OPRK1: variants seen among roughly 807,000 people sequenced by gnomAD.
OPRK1 encodes opioid receptor kappa 1.
A neutral mutation model predicts 24.5 loss-of-function variants in OPRK1; 15 were observed. The observed-to-expected ratio is 0.61, with a 90% confidence interval of 0.41 to 0.94. The LOEUF (loss-of-function observed/expected upper bound fraction) is 0.94. Among genes scored for constraint, OPRK1 ranks in the 40% least tolerant of loss-of-function variants. OPRK1 has a pLI of 0.00. For synonymous variants in OPRK1, 205 were observed against 198.0 expected (o/e 1.04, Z -0.30); for missense variants, 479 against 507.3 (o/e 0.94, Z 0.54).
intron 2 of OPRK1, among the ~76,000 whole-genome samples, chr8:53,248,995 A>G (rs1321583881): frequency 3.9e-5 from 6 of 152,174 alleles, no homozygotes; most frequent in Non-Finnish European, 8.8e-5. Context: ...AATCCTAGCT[A>G]ATCTACAGGA....
At chr8:53,240,770 G>T (rs1807094043) in intron 2 of OPRK1, among the ~76,000 whole-genome samples, 1 of 152,054 alleles carries the variant, frequency 6.6e-6, no homozygotes, top group African/African-American at 2.4e-5. Flanking sequence ...ACAGCAGGGG[G>T]CTAGCATCAA....
rs569201186 is a variant in OPRK1, at chr8:53,238,675, T to TTGGCAGA, written c.258-3571_258-3565dup. On this transcript the variant is annotated intron_variant, in intron 2 of 3. Coordinates refer to ENST00000265572, the MANE Select transcript of OPRK1 (RefSeq NM_000912.5). ...AGAGAAACGAGGGTTGGCTTCAAAA[T>TTGGCAGA]TGGCAGACACTGGTGCTTGTGTGAT... 1.3e-3 allele frequency: 1,295 copies of TTGGCAGA among 985,428 alleles called. 9 individuals carry two copies. In the African/African-American group the frequency reaches 0.019, roughly 14 times the overall value. 61.0% of individuals were successfully genotyped at this position (985,428 alleles called of 1,614,324 possible).
chr8:53,235,258 T>C (rs577166950), intron 2 of OPRK1, 147 bp from the exon 3 acceptor site: 5 of 637,552 alleles, frequency 7.8e-6, no homozygotes, highest in Non-Finnish European at 1.3e-5. Flanking sequence ...GTAAATGGAC[T>C]GTTCTAGACA....
intron 2 of OPRK1, among the ~76,000 whole-genome samples, chr8:53,244,221 A>G (rs1321821753): frequency 8.5e-6 from 1 of 117,490 alleles, no homozygotes; most frequent in East Asian, 2.2e-4. Flanking sequence ...TAAATGGCAC[A>G]TAACCTAAGA....
chr8:53,246,621 AAGG>A (rs1003773410), intron 2 of OPRK1, among the ~76,000 whole-genome samples: 31 of 152,264 alleles, frequency 2.0e-4, no homozygotes, highest in African/African-American at 6.7e-4. Context: ...CTTCAAAACC[AAGG>A]AGAAGGAATT....
chr8:53,246,199 G>A (rs1807223724), intron 2 of OPRK1, among the ~76,000 whole-genome samples: 1 of 152,248 alleles, frequency 6.6e-6, no homozygotes, highest in Non-Finnish European at 1.5e-5. Context: ...CAAGGAGAGG[G>A]TGCTATTCGA....
rs779758855 is a variant in OPRK1 at position 53,229,341 on chromosome 8, G to C, written c.1099C>G (p.Pro367Ala). 2 of 1,614,162 alleles carry C rather than the reference G, an allele frequency of 1.2e-6. No homozygotes were observed. Among genetic ancestry groups the C allele is most frequent in the Non-Finnish European group, 1.7e-6 (2 of 1,180,020 alleles). Residue 367 changes from proline to alanine, a missense_variant, in exon 4 of 4, where the codon CCT (proline) becomes GCT (alanine). Pro to Ala is a conservative substitution (Grantham distance 27). Coordinates refer to ENST00000265572, the MANE Select transcript of OPRK1 (RefSeq NM_000912.5). The stretch of plus-strand genomic sequence containing the variant: ...CCATCGATGTCCCTCAGGTAAGCAG[G>C]ATCCTGAACTGTATTTCGGACTCTG... ...TSRVRNTVQDPAYLRDIDGMN... is the reference protein window; with the variant it reads ...TSRVRNTVQDAAYLRDIDGMN...
intron 2 of OPRK1, among the ~76,000 whole-genome samples, chr8:53,240,986 C>A (rs531473062): frequency 6.6e-6 from 1 of 152,176 alleles, no homozygotes; most frequent in African/African-American, 2.4e-5. Flanking sequence ...TTATGCCTCA[C>A]CAAAGCTTGT....
chr8:53,226,808 C>T lies in OPRK1; in HGVS notation c.*2489G>A, dbSNP rs1010366580. The T allele has an allele frequency of 6.6e-6, 1 of 152,122 alleles. No homozygotes were observed. The allele number at this position is 152,122 out of a possible 1,614,324, so 9.4% of individuals were successfully genotyped here. On this transcript the variant is annotated 3_prime_UTR_variant, in exon 4 of 4. Coordinates refer to ENST00000265572, the MANE Select transcript of OPRK1 (RefSeq NM_000912.5). ...CACTCCTTTTTCAATGTTGGGGAGT[C>T]GATATTAACAAGAATCAAGAAGCTT... is the stretch of plus-strand genomic sequence containing the variant.
intron 3 of OPRK1, among the ~76,000 whole-genome samples, chr8:53,234,124 C>T (rs1385827235): frequency 6.9e-6 from 1 of 144,742 alleles, no homozygotes; most frequent in Non-Finnish European, 1.5e-5. Flanking sequence ...GCAGAGGTTG[C>T]AGTGAGCCGA....
chr8:53,240,884 G>A (rs1003386739), intron 2 of OPRK1, among the ~76,000 whole-genome samples: 4 of 152,142 alleles, frequency 2.6e-5, no homozygotes, highest in African/African-American at 9.7e-5. Context: ...ACTGTGTGTG[G>A]TAATGGCTGT....
At chr8:53,249,257 GCTTAACAATGTTTCTAT>G (rs1435172772) in intron 2 of OPRK1, among the ~76,000 whole-genome samples, 2 of 151,914 alleles carry the variant, frequency 1.3e-5, no homozygotes, top group Non-Finnish European at 2.9e-5. Flanking sequence ...GCTTTCTTTT[GCTTAACAATGTTTCTAT>G]TACCCCACCA....
rs1471205453 is a variant in OPRK1, at chr8:53,226,609, G to T, written c.*2688C>A. 6.6e-6 allele frequency: 1 copy of T among 152,234 alleles called. No individual in the cohort carries two copies. Among genetic ancestry groups the T allele is most frequent in the African/African-American group, 2.4e-5 (1 of 41,478 alleles). 9.4% of individuals were successfully genotyped at this position (152,234 alleles called of 1,614,324 possible). On this transcript the variant is annotated 3_prime_UTR_variant, in exon 4 of 4. Transcript: ENST00000265572. Reference sequence around the variant, plus strand: ...GGGGTTTGGACAAATGCATTGCCTGGAACAATGAATAAATGGCAATGTGGT... The same window carrying T: ...GGGGTTTGGACAAATGCATTGCCTGTAACAATGAATAAATGGCAATGTGGT...
In OPRK1 at chr8:53,234,840, T is replaced by A. The variant is rs779364012; in HGVS notation, c.529A>T (p.Ile177Phe). The change falls in exon 3 of 4, where the codon ATC (isoleucine) becomes TTC (phenylalanine). Residue 177 changes from isoleucine (I) to phenylalanine (F), a missense_variant. Coordinates refer to ENST00000265572, the MANE Select transcript of OPRK1 (RefSeq NM_000912.5). ...AGCAGCCAGATGCAGATATTGATGA[T>A]CTTTGCCTTCAAGGGTGTGCGGAAG... ...LDFRTPLKAK[I>F]INICIWLLSS... is the part of the protein sequence containing the mutation. 1.9e-5 allele frequency: 31 copies of A among 1,614,070 alleles called. No individual in the cohort carries two copies. In the South Asian group the frequency reaches 3.0e-4, roughly 15 times the overall value.
intron 3 of OPRK1, among the ~76,000 whole-genome samples, chr8:53,232,607 A>C (rs1384311148): frequency 6.6e-6 from 1 of 152,316 alleles, no homozygotes; most frequent in South Asian, 2.1e-4. Context: ...TGTTTCAGGA[A>C]GAAGGGGGCA....
rs764042454 is a variant in OPRK1, at chr8:53,244,859, A to T, written c.257+5922T>A. Reference sequence around the variant, plus strand: ...CTAAACCCCAGTACTTCAGAATGTGACTGTACGGTCCTGCCTTGGTATCCC... The same window carrying T: ...CTAAACCCCAGTACTTCAGAATGTGTCTGTACGGTCCTGCCTTGGTATCCC... On this transcript the variant is annotated intron_variant, in intron 2 of 3. Coordinates refer to ENST00000265572, the MANE Select transcript of OPRK1 (RefSeq NM_000912.5). Among the ~76,000 whole-genome samples the T allele has an allele frequency of 9.3e-4, 142 of 152,290 alleles. 1 individual carries two copies. The highest frequency in any genetic ancestry group is 1.6e-3 in the Admixed American group (24 of 15,298).
At chr8:53,246,840 G>T (rs1041894020) in intron 2 of OPRK1, among the ~76,000 whole-genome samples, 10 of 152,176 alleles carry the variant, frequency 6.6e-5, no homozygotes, top group Admixed American at 2.6e-4. Flanking sequence ...ATCAGGTGGA[G>T]GGTTTGGGAA....
At chr8:53,238,458 G>A (rs1194952124) in intron 2 of OPRK1, 1 of 849,688 alleles carries the variant, frequency 1.2e-6, no homozygotes, top group Non-Finnish European at 1.4e-6. Flanking sequence ...TAACAGACCT[G>A]AAAAAACAGT....
In OPRK1 at chr8:53,229,425, G is replaced by T; in HGVS notation, c.1015C>A (p.Arg339=). Residue 339 remains arginine, a synonymous_variant, in exon 4 of 4, where the codon CGG becomes AGG. Transcript: ENST00000265572. ...LYAFLDENFK[R]CFRDFCFPLK... is the part of the protein sequence containing the mutation. ...GGAAAGCAGAAGTCCCGGAAACACC[G>T]CTTGAAGTTTTCATCAAGAAAGGCG... 1 of 1,614,194 alleles carries T rather than the reference G, an allele frequency of 6.2e-7. No individual in the cohort carries two copies. The highest frequency in any genetic ancestry group is 8.5e-7 in the Non-Finnish European group (1 of 1,180,036).
Sources: allele counts gnomAD v4.1 joint callset (sites outside exome capture counted in the v4.1 genomes callset), GRCh38; gene constraint gnomAD v4.1.1; transcripts MANE v1.5; gene names NCBI Gene and HGNC (gene_info 2026-07-23, HGNC 2026-07-21).